CSMD1: variants seen among roughly 807,000 people sequenced by gnomAD.
The protein encoded by CSMD1 is CUB and Sushi multiple domains 1.
CSMD1 carries 213 observed loss-of-function variants against 417.5 expected under a neutral mutation model. The observed-to-expected ratio is 0.51, with a 90% CI of 0.46 to 0.57. The LOEUF (loss-of-function observed/expected upper bound fraction) is 0.57. Among genes scored for constraint, CSMD1 ranks in the 20% least tolerant of loss-of-function variants. The probability of loss-of-function intolerance (pLI) is 0.00; values close to 1 mark genes in which losing one functional copy is unlikely to be tolerated. For synonymous variants in CSMD1, 2,862 were observed against 1,736.8 expected, an observed-to-expected ratio of 1.65 and a Z score of -16.11; for missense variants, 6,923 against 4,529.7, an observed-to-expected ratio of 1.53 and a Z score of -15.17.
Position 4,222,949 on chromosome 8 carries a change from T to TA in CSMD1, c.416-190851dup, listed in dbSNP as rs1295269888. ...ATCCAAGTCCTAAAAAGACATTTCT[T>TA]AAAAAAAAAATAATTTGGGCTTTGA... is the stretch of plus-strand genomic sequence containing the variant. On this transcript the variant is annotated intron_variant, in intron 3 of 69. Coordinates refer to ENST00000635120, the MANE Select transcript of CSMD1 (RefSeq NM_033225.6). 4.3e-3 allele frequency among the ~76,000 whole-genome samples: 649 copies of TA among 150,520 alleles called. 4 individuals are homozygous for TA. Among genetic ancestry groups the TA allele is most frequent in the African/African-American group, 9.7e-3 (397 of 41,022 alleles).
At chr8:3,934,580 C>A (rs550513049) in intron 5 of CSMD1, among the ~76,000 whole-genome samples, 1 of 152,062 alleles carries the variant, frequency 6.6e-6, no homozygotes, top group South Asian at 2.1e-4. Flanking sequence ...TTTGGCCAGG[C>A]GCGGTGGCTG....
chr8:4,448,922 C>T (rs901346971), intron 2 of CSMD1, among the ~76,000 whole-genome samples: 1 of 152,120 alleles, frequency 6.6e-6, no homozygotes, highest in Non-Finnish European at 1.5e-5. Flanking sequence ...CTATTAAGTT[C>T]AAAATTTCCA....
chr8:2,955,352 T>C (rs1489417047), intron 64 of CSMD1, among the ~76,000 whole-genome samples: 2 of 152,214 alleles, frequency 1.3e-5, no homozygotes, highest in Admixed American at 6.5e-5. Flanking sequence ...TTTTATTATG[T>C]ACTAATTGCA....
At chr8:4,121,661 C>T (rs1436620068) in intron 3 of CSMD1, among the ~76,000 whole-genome samples, 3 of 149,876 alleles carry the variant, frequency 2.0e-5, no homozygotes, top group African/African-American at 7.4e-5. Context: ...GGAAACTAAG[C>T]CAAGATTTTC....
At chr8:4,444,976 G>C (rs1014200724) in intron 2 of CSMD1, among the ~76,000 whole-genome samples, 1 of 152,176 alleles carries the variant, frequency 6.6e-6, no homozygotes, top group Admixed American at 6.5e-5. Flanking sequence ...TTAAAGAAAT[G>C]TTATTTCCCT....
intron 1 of CSMD1, among the ~76,000 whole-genome samples, chr8:4,672,732 C>A (rs113070096): frequency 6.6e-6 from 1 of 152,124 alleles, no homozygotes; most frequent in Non-Finnish European, 1.5e-5. Context: ...ACACAACACA[C>A]GCACTCTCAT....
At chr8:4,057,185 C>T (rs1309392664) in intron 3 of CSMD1, among the ~76,000 whole-genome samples, 2 of 152,202 alleles carry the variant, frequency 1.3e-5, no homozygotes, top group East Asian at 1.9e-4. Context: ...CACATCCTCT[C>T]CAGCACCTGT....
rs369371071 is a variant in CSMD1 at position 3,663,112 on chromosome 8, T to G, written c.1009+45302A>C. 3.3e-5 allele frequency among the ~76,000 whole-genome samples: 5 copies of G among 152,204 alleles called. No individual in the cohort carries two copies. The East Asian group carries it at 9.7e-4, about 29-fold the overall frequency. On this transcript the variant is annotated intron_variant, in intron 7 of 69. Coordinates refer to ENST00000635120, the MANE Select transcript of CSMD1 (RefSeq NM_033225.6). ...CACAGAACTGCCCGCAATGAAGACC[T>G]GAAGCAGTGGGGGCCTCAGGAGAGG...
intron 33 of CSMD1, among the ~76,000 whole-genome samples, chr8:3,194,950 C>G (rs1395363516): frequency 6.6e-6 from 1 of 152,016 alleles, no homozygotes; most frequent in Non-Finnish European, 1.5e-5. Flanking sequence ...AAAGTCCTGG[C>G]CAATAGACAT....
At chr8:3,141,713 A>G (rs1040538999) in intron 41 of CSMD1, among the ~76,000 whole-genome samples, 1 of 152,124 alleles carries the variant, frequency 6.6e-6, no homozygotes, top group African/African-American at 2.4e-5. Flanking sequence ...AGACAGCAAG[A>G]AAAACTCACT....
At chr8:4,430,384 T>C (rs993454623) in intron 2 of CSMD1, among the ~76,000 whole-genome samples, 7 of 152,226 alleles carry the variant, frequency 4.6e-5, no homozygotes, top group Non-Finnish European at 8.8e-5. Flanking sequence ...TTTATTCAAA[T>C]ATATCATTGT....
At chr8:4,047,568 T>C (rs1798213924) in intron 3 of CSMD1, among the ~76,000 whole-genome samples, 2 of 152,102 alleles carry the variant, frequency 1.3e-5, no homozygotes, top group African/African-American at 2.4e-5. Flanking sequence ...AGAATGCAAA[T>C]TATGTTGAAT....
intron 3 of CSMD1, among the ~76,000 whole-genome samples, chr8:4,275,834 G>T (rs1026851585): frequency 6.6e-6 from 1 of 152,114 alleles, no homozygotes; most frequent in Non-Finnish European, 1.5e-5. Flanking sequence ...AAGTGATATT[G>T]TTATATTTTA....
intron 5 of CSMD1, among the ~76,000 whole-genome samples, chr8:3,855,978 TGTCA>T (rs1460748197): frequency 6.6e-6 from 1 of 152,192 alleles, no homozygotes; most frequent in African/African-American, 2.4e-5. Flanking sequence ...TCATGATATC[TGTCA>T]GTATTAATCA....
chr8:4,386,961 G>A (rs1803494538), intron 3 of CSMD1, among the ~76,000 whole-genome samples: 1 of 152,132 alleles, frequency 6.6e-6, no homozygotes, highest in Non-Finnish European at 1.5e-5. Flanking sequence ...AGTGTAATAT[G>A]TTACGATTAT....
At chr8:3,852,313 T>C (rs1803967401) in intron 5 of CSMD1, among the ~76,000 whole-genome samples, 2 of 151,960 alleles carry the variant, frequency 1.3e-5, no homozygotes, top group South Asian at 4.1e-4. Flanking sequence ...AGGTGGGGTT[T>C]GTAGGGAGCA....
chr8:3,993,445 A>G (rs930936971), intron 5 of CSMD1, among the ~76,000 whole-genome samples: 1 of 152,200 alleles, frequency 6.6e-6, no homozygotes, highest in Non-Finnish European at 1.5e-5. Flanking sequence ...TGACCCATTC[A>G]AGCGTTCTTT....
chr8:3,644,283 C>G (rs1320240864), intron 7 of CSMD1, among the ~76,000 whole-genome samples: 2 of 152,192 alleles, frequency 1.3e-5, no homozygotes, highest in Admixed American at 1.3e-4. Flanking sequence ...AGAATTTAAA[C>G]AACAACACTG....
intron 69 of CSMD1, among the ~76,000 whole-genome samples, chr8:2,940,726 G>A (rs1045730773): frequency 2.0e-5 from 3 of 152,180 alleles, no homozygotes; most frequent in African/African-American, 4.8e-5. Context: ...ATTATGTGGG[G>A]TTATCTTTTT....
Sources: gnomAD v4.1 joint callset for allele counts (sites outside exome capture counted in the v4.1 genomes callset) on GRCh38, gnomAD v4.1.1 for gene constraint, MANE v1.5 for transcripts, NCBI Gene and HGNC (gene_info 2026-07-23, HGNC 2026-07-21) for gene names.